Variants in BTG4 observed in about 807,000 individuals in gnomAD.
BTG4 encodes the protein protein BTG4.
BTG4 carries 10 observed loss-of-function variants against 19.3 expected under a neutral mutation model. The observed-to-expected ratio is 0.52, with a 90% CI of 0.32 to 0.88. The LOEUF is 0.88. BTG4 is among the 40% of genes least tolerant of loss of function. BTG4 has a pLI of 0.04. For missense variants in BTG4, 238 were observed against 281.9 expected (o/e 0.84, Z 1.11); for synonymous variants, 91 against 95.7 (o/e 0.95, Z 0.29).
the BTG4 span, chr11:111,385,639 C>T: frequency 6.6e-6 from 1 of 151,836 alleles, no homozygotes; most frequent in South Asian, 2.1e-4. Context: ...TCTTAGAAAA[C>T]CTATCAATAT....
the BTG4 span, among the ~76,000 whole-genome samples, chr11:111,388,598 C>T: frequency 2.6e-5 from 4 of 152,142 alleles, no homozygotes; most frequent in Admixed American, 2.0e-4. Context: ...CTTGGCTTCA[C>T]GCACGCCCCA....
At chr11:111,398,434 A>T in the BTG4 span, among the ~76,000 whole-genome samples, 1 of 152,148 alleles carries the variant, frequency 6.6e-6, no homozygotes. Flanking sequence ...GGTCTCGTTC[A>T]GGCTGAAAAT....
At chr11:111,427,266 G>A in the BTG4 span, among the ~76,000 whole-genome samples, 1 of 152,126 alleles carries the variant, frequency 6.6e-6, no homozygotes, top group East Asian at 1.9e-4. Flanking sequence ...CTTCTTTCTG[G>A]AAAAAGGCAG....
intron 5 of BTG4, among the ~76,000 whole-genome samples, chr11:111,485,130 C>A (rs568782133): frequency 5.9e-5 from 9 of 151,952 alleles, no homozygotes; most frequent in Non-Finnish European, 1.0e-4. Flanking sequence ...ATTACTGGAG[C>A]CAAAGAGAGA....
chr11:111,433,574 A>G, the BTG4 span, among the ~76,000 whole-genome samples: 1 of 152,242 alleles, frequency 6.6e-6, no homozygotes, highest in Non-Finnish European at 1.5e-5. Context: ...TAAACTAAAG[A>G]GCTTCTTCAC....
intron 5 of BTG4, among the ~76,000 whole-genome samples, chr11:111,474,166 T>G (rs1038203792): frequency 6.6e-6 from 1 of 152,162 alleles, no homozygotes; most frequent in African/African-American, 2.4e-5. Flanking sequence ...TTAAAGTTAT[T>G]GCCAGTGTCT....
chr11:111,443,048 C>T, the BTG4 span, among the ~76,000 whole-genome samples: 7 of 152,188 alleles, frequency 4.6e-5, no homozygotes, highest in Admixed American at 3.3e-4. Context: ...AAGGTCAACA[C>T]CAACAGTGAT....
chr11:111,440,884 G>T, the BTG4 span, among the ~76,000 whole-genome samples: 2 of 152,196 alleles, frequency 1.3e-5, no homozygotes, highest in Non-Finnish European at 2.9e-5. Context: ...GAGATGAGGG[G>T]ACAAGGAGAG....
At chr11:111,495,994 A>C (rs960730459) in intron 4 of BTG4, among the ~76,000 whole-genome samples, 1 of 152,196 alleles carries the variant, frequency 6.6e-6, no homozygotes, top group Non-Finnish European at 1.5e-5. Context: ...TAGTTTAAAA[A>C]ACTAGGGACA....
the BTG4 span, among the ~76,000 whole-genome samples, chr11:111,420,264 A>G: frequency 9.2e-5 from 14 of 152,250 alleles, no homozygotes; most frequent in Non-Finnish European, 1.5e-4. Flanking sequence ...CCAGCAGTCC[A>G]GATGACCTGC....
chr11:111,509,535 A>G (rs1866710656), intron 1 of BTG4, among the ~76,000 whole-genome samples: 1 of 151,958 alleles, frequency 6.6e-6, no homozygotes, highest in East Asian at 1.9e-4. Flanking sequence ...TCTCTACTAA[A>G]AATACAAAAA....
intron 5 of BTG4, among the ~76,000 whole-genome samples, chr11:111,472,314 C>A (rs188422142): frequency 6.6e-6 from 1 of 152,226 alleles, no homozygotes; most frequent in East Asian, 1.9e-4. Context: ...ACACTTCTCT[C>A]GAGGGTTCCC....
At chr11:111,419,492 G>A in the BTG4 span, among the ~76,000 whole-genome samples, 1 of 152,268 alleles carries the variant, frequency 6.6e-6, no homozygotes, top group African/African-American at 2.4e-5. Flanking sequence ...TTGAGCCAAA[G>A]GCAAGAGAAG....
chr11:111,491,202 G>A (rs1177296378), downstream of BTG4, among the ~76,000 whole-genome samples: 1 of 152,156 alleles, frequency 6.6e-6, no homozygotes, highest in Non-Finnish European at 1.5e-5. Flanking sequence ...ATTAGTGGTT[G>A]CCAAGGGGTT....
the BTG4 span, among the ~76,000 whole-genome samples, chr11:111,401,862 G>GTGAATGAA: frequency 6.6e-6 from 1 of 152,150 alleles, no homozygotes; most frequent in Non-Finnish European, 1.5e-5. Flanking sequence ...TATGTGTTGA[G>GTGAATGAA]TGAATGAATG....
At chr11:111,501,137 G>A (rs551654582) in intron 1 of BTG4, among the ~76,000 whole-genome samples, 12 of 152,124 alleles carry the variant, frequency 7.9e-5, no homozygotes, top group Non-Finnish European at 1.6e-4. Flanking sequence ...GGTCCCAGGC[G>A]AAAGGATCAC....
At chr11:111,448,977 A>G in the BTG4 span, among the ~76,000 whole-genome samples, 2 of 152,186 alleles carry the variant, frequency 1.3e-5, no homozygotes, top group Non-Finnish European at 2.9e-5. Context: ...AGAAAATGAC[A>G]GACTTTATGT....
At chr11:111,486,016 C>T (rs781435726) in intron 5 of BTG4, among the ~76,000 whole-genome samples, 4 of 152,186 alleles carry the variant, frequency 2.6e-5, no homozygotes, top group Admixed American at 1.3e-4. Context: ...CTTAGACATA[C>T]AACCTGTCAA....
chr11:111,468,978 G>T (rs1262284633), intron 5 of BTG4, among the ~76,000 whole-genome samples: 6 of 152,208 alleles, frequency 3.9e-5, no homozygotes, highest in Non-Finnish European at 8.8e-5. Context: ...TAAGATGGAG[G>T]CAGTAGGAAA....
Sources: allele counts gnomAD v4.1 joint callset (sites outside exome capture counted in the v4.1 genomes callset), GRCh38; gene constraint gnomAD v4.1.1; transcripts MANE v1.5; gene names NCBI Gene and HGNC (gene_info 2026-07-23, HGNC 2026-07-21).